ADGRA1: variants seen among roughly 807,000 people sequenced by gnomAD.
The protein encoded by ADGRA1 is adhesion G protein-coupled receptor A1.
ADGRA1 carries 12 observed loss-of-function variants against 21.3 expected under a neutral mutation model. The ratio of observed to expected loss-of-function variants is 0.56; its 90% CI spans 0.36 to 0.91. The LOEUF is 0.91. Among genes scored for constraint, ADGRA1 ranks in the 40% least tolerant of loss-of-function variants. The pLI is 0.01. For missense variants in ADGRA1, 790 were observed against 805.6 expected, an observed-to-expected ratio of 0.98 and a Z score of 0.23; for synonymous variants, 385 against 368.8, an observed-to-expected ratio of 1.04 and a Z score of -0.50.
intron 5 of ADGRA1, among the ~76,000 whole-genome samples, chr10:133,115,365 G>A (rs1026276208): frequency 6.6e-6 from 1 of 152,188 alleles, no homozygotes; most frequent in Non-Finnish European, 1.5e-5. Context: ...AGGGAGCGGG[G>A]AACCCCAGAG....
rs535252486 is a variant in ADGRA1 at position 133,122,444 on chromosome 10, C to T, written c.402-4789C>T. On this transcript the variant is annotated intron_variant, in intron 5 of 6. Coordinates refer to ENST00000392607, the MANE Select transcript of ADGRA1 (RefSeq NM_001083909.3). Reference sequence around the variant, plus strand: ...GCAGCACTCAGGCTGGGCACGGGGCCGAGGGGCTAATGGGCGAGGGGCTGG... The same window carrying T: ...GCAGCACTCAGGCTGGGCACGGGGCTGAGGGGCTAATGGGCGAGGGGCTGG... Among the ~76,000 whole-genome samples, 34 of 152,350 alleles carry T rather than the reference C, an allele frequency of 2.2e-4. No individual in the cohort carries two copies. In the East Asian group the frequency reaches 3.1e-3, roughly 14 times the overall value.
At chr10:133,102,442 A>T (rs765987877) in intron 4 of ADGRA1, 20 of 622,842 alleles carry the variant, frequency 3.2e-5, no homozygotes, top group Admixed American at 2.7e-4. Context: ...GCACAGGCCC[A>T]TGGGTCCCCA....
chr10:133,106,022 T>A (rs1851887958), intron 5 of ADGRA1, among the ~76,000 whole-genome samples: 1 of 152,220 alleles, frequency 6.6e-6, no homozygotes, highest in South Asian at 2.1e-4. Context: ...GAGCCCCCCA[T>A]GCATGTGGGC....
intron 5 of ADGRA1, among the ~76,000 whole-genome samples, chr10:133,104,721 G>C (rs1175726600): frequency 6.6e-6 from 1 of 152,118 alleles, no homozygotes; most frequent in South Asian, 2.1e-4. Flanking sequence ...CTGCCTCGTC[G>C]CTCCGCCTCC....
chr10:133,122,805 G>A (rs1046787091), intron 5 of ADGRA1, among the ~76,000 whole-genome samples: 1 of 151,604 alleles, frequency 6.6e-6, no homozygotes, highest in African/African-American at 2.4e-5. Context: ...CACCAGCCAG[G>A]CACACGCATC....
At chr10:133,122,843 G>A (rs1006316041) in intron 5 of ADGRA1, among the ~76,000 whole-genome samples, 4 of 151,904 alleles carry the variant, frequency 2.6e-5, no homozygotes, top group South Asian at 2.1e-4. Context: ...CCAGGCACAC[G>A]CGTCCCCAGG....
rs1564842382 is a variant in ADGRA1, at chr10:133,092,751, G to GGAAGGAAGGAAGGAAGGA, written c.3+3839_3+3840insGAAGGAAGGAAGGAAGGA. On this transcript the variant is annotated intron_variant, in intron 2 of 6. Coordinates refer to ENST00000392607, the MANE Select transcript of ADGRA1 (RefSeq NM_001083909.3). Reference sequence around the variant, plus strand: ...GAATGAAGAAGGAGAAATAGGGAGGGAGGAAGGAAGGAAGGAAGGAAGGAA... The same window carrying GGAAGGAAGGAAGGAAGGA: ...GAATGAAGAAGGAGAAATAGGGAGGGGAAGGAAGGAAGGAAGGAAGGAAGGAAGGAAGGAAGGAAGGAA... 2.2e-3 allele frequency among the ~76,000 whole-genome samples: 171 copies of GGAAGGAAGGAAGGAAGGA among 77,632 alleles called. 1 individual carries two copies. Among genetic ancestry groups the GGAAGGAAGGAAGGAAGGA allele is most frequent in the African/African-American group, 8.3e-3 (132 of 15,954 alleles). The allele number at this position is 77,632 out of a possible 152,430, so 50.9% of individuals were successfully genotyped here. A position where few individuals can be genotyped will look rare whatever the true frequency, so the allele number is the denominator to read the frequency against.
Position 133,129,673 on chromosome 10 carries a change from A to AAAGACC in ADGRA1, c.*162_*163insAAGACC, listed in dbSNP as rs1564857299. On this transcript the variant is annotated 3_prime_UTR_variant, in exon 7 of 7. Transcript: ENST00000392607. Reference sequence around the variant, plus strand: ...ATCACACCCCTGCCCCTTCCTTGTGATCACACCCCTGCCCCTTCCTTGTGA... The same window carrying AAAGACC: ...ATCACACCCCTGCCCCTTCCTTGTGAAAGACCTCACACCCCTGCCCCTTCCTTGTGA... 30 of 310,328 alleles carry AAAGACC rather than the reference A, an allele frequency of 9.7e-5. No homozygotes were observed. The highest frequency in any genetic ancestry group is 2.8e-4 in the Admixed American group (4 of 14,408). 19.2% of individuals were successfully genotyped at this position (310,328 alleles called of 1,614,324 possible).
intron 5 of ADGRA1, among the ~76,000 whole-genome samples, chr10:133,118,928 T>C (rs1591184625): frequency 6.6e-6 from 1 of 150,470 alleles, no homozygotes; most frequent in Non-Finnish European, 1.5e-5. Flanking sequence ...CACACACACA[T>C]GCATTGCACA....
At chr10:133,110,890 C>A (rs1390786503) in intron 5 of ADGRA1, among the ~76,000 whole-genome samples, 1 of 152,162 alleles carries the variant, frequency 6.6e-6, no homozygotes, top group Non-Finnish European at 1.5e-5. Context: ...TGCATGGGGC[C>A]CTGGACACAG....
chr10:133,103,791 T>A (rs894130539), intron 5 of ADGRA1, among the ~76,000 whole-genome samples: 2 of 152,212 alleles, frequency 1.3e-5, no homozygotes, highest in African/African-American at 4.8e-5. Flanking sequence ...CCAGCGCCTT[T>A]GGTGTTTCCT....
intron 5 of ADGRA1, among the ~76,000 whole-genome samples, chr10:133,114,528 G>C (rs1470634500): frequency 2.0e-5 from 3 of 152,172 alleles, no homozygotes; most frequent in Non-Finnish European, 4.4e-5. Flanking sequence ...TGTCTCGCCA[G>C]CCTACCTTCC....
intron 5 of ADGRA1, among the ~76,000 whole-genome samples, chr10:133,110,696 C>G (rs1469729907): frequency 6.6e-6 from 1 of 152,220 alleles, no homozygotes; most frequent in Non-Finnish European, 1.5e-5. Flanking sequence ...CTGAGCTGAC[C>G]CTTTGTACAC....
intron 5 of ADGRA1, among the ~76,000 whole-genome samples, chr10:133,108,933 T>C (rs1851939803): frequency 9.2e-6 from 1 of 108,390 alleles, no homozygotes; most frequent in Admixed American, 9.7e-5. Flanking sequence ...CCAGCTCCAC[T>C]CGGCCCCAGC....
At chr10:133,100,435 G>A (rs1851770842) in intron 4 of ADGRA1, among the ~76,000 whole-genome samples, 1 of 152,216 alleles carries the variant, frequency 6.6e-6, no homozygotes, top group Admixed American at 6.5e-5. Flanking sequence ...GAGGCCCCCC[G>A]AGGGCCTTCA....
chr10:133,091,703 C>T lies in ADGRA1; in HGVS notation c.3+2791C>T, dbSNP rs56385960. On this transcript the variant is annotated intron_variant, in intron 2 of 6. Transcript: ENST00000392607. ...ATGTTCTCAATGCCGGGATTGAGTG[C>T]GAGGACAAGCTTGGGCTGGGGGACC... Among the ~76,000 whole-genome samples, 1,282 of 152,336 alleles carry T rather than the reference C, an allele frequency of 8.4e-3. 21 individuals carry two copies. The highest frequency in any genetic ancestry group is 0.029 in the African/African-American group (1,189 of 41,574).
At chr10:133,124,688 G>A (rs1438262417) in intron 5 of ADGRA1, among the ~76,000 whole-genome samples, 1 of 152,238 alleles carries the variant, frequency 6.6e-6, no homozygotes, top group East Asian at 1.9e-4. Flanking sequence ...CCCTGGTTGG[G>A]GCTTGGAGCC....
At chr10:133,102,987 A>T (rs1445917130) in intron 5 of ADGRA1, 145 bp downstream of exon 5, 10 of 675,984 alleles carry the variant, frequency 1.5e-5, no homozygotes, top group Non-Finnish European at 1.8e-5. Context: ...GTTCCCAGGG[A>T]GGGTGGAGAG....
intron 5 of ADGRA1, among the ~76,000 whole-genome samples, chr10:133,105,453 C>A (rs1014962957): frequency 6.6e-6 from 1 of 152,166 alleles, no homozygotes; most frequent in South Asian, 2.1e-4. Context: ...GAGCAGCCGA[C>A]GTTTTGAGAA....
Sources: gnomAD v4.1 joint callset for allele counts (sites outside exome capture counted in the v4.1 genomes callset) on GRCh38, gnomAD v4.1.1 for gene constraint, MANE v1.5 for transcripts, NCBI Gene and HGNC (gene_info 2026-07-23, HGNC 2026-07-21) for gene names.